Variants in CYSLTR1 observed in about 807,000 individuals in gnomAD.
CYSLTR1 encodes the protein cysteinyl leukotriene receptor 1, also known as G-protein coupled receptor HG55.
In CYSLTR1, 1 loss-of-function variant was observed where a neutral mutation model predicts 2.1. That is an observed-to-expected ratio of 0.48 (90% CI 0.17 to 2.28). The LOEUF is 2.28. Ranked by LOEUF, CYSLTR1 falls within the 30% of genes most tolerant of loss-of-function variation. The pLI, the probability that CYSLTR1 is intolerant of heterozygous loss-of-function variation, is 0.26. For synonymous variants in CYSLTR1, 110 were observed against 89.6 expected, an observed-to-expected ratio of 1.23 and a Z score of -1.28; for missense variants, 299 against 250.1, an observed-to-expected ratio of 1.20 and a Z score of -1.32.
chrX:78,312,149 C>T (rs1189129445), intron 1 of CYSLTR1, among the ~76,000 whole-genome samples: 1 of 111,153 alleles, frequency 9.0e-6, no homozygotes, highest in South Asian at 3.8e-4. Context: ...ACCAATGGAA[C>T]ACAATATAGA....
chrX:78,274,716 A>C (rs930846412), intron 2 of CYSLTR1, among the ~76,000 whole-genome samples: 2 of 110,571 alleles, frequency 1.8e-5, no homozygotes, highest in African/African-American at 6.6e-5. Flanking sequence ...AACAAAAGCC[A>C]AAATTGACAA....
At chrX:78,276,464 G>A (rs1158055468) in intron 2 of CYSLTR1, among the ~76,000 whole-genome samples, 3 of 110,645 alleles carry the variant, frequency 2.7e-5, no homozygotes, top group Non-Finnish European at 5.7e-5. Context: ...CAGCCATGAA[G>A]GGGACTGATC....
chrX:78,273,502 T>G lies in CYSLTR1; in HGVS notation c.245A>C (p.Tyr82Ser). ...CVCTLPLRVV[Y>S]YVHKGIWLFG... Reference sequence around the variant, plus strand: ...GAGCCAAATGCCTTTGTGAACATAATAGACCACACGGAGAGGCAGTGTGCA... The same window carrying G: ...GAGCCAAATGCCTTTGTGAACATAAGAGACCACACGGAGAGGCAGTGTGCA... The change falls in exon 3 of 3, where the codon TAT (tyrosine) becomes TCT (serine). Residue 82 changes from tyrosine to serine, a missense_variant. By Grantham distance (144) the Tyr-to-Ser change is moderately radical. Coordinates refer to ENST00000373304, the MANE Select transcript of CYSLTR1 (RefSeq NM_006639.4). The G allele has an allele frequency of 8.3e-7, 1 of 1,211,609 alleles. No homozygotes were observed. Among genetic ancestry groups the G allele is most frequent in the Non-Finnish European group, 1.1e-6 (1 of 895,485 alleles).
At chrX:78,286,519 T>C (rs1052664788) in intron 1 of CYSLTR1, among the ~76,000 whole-genome samples, 6 of 110,780 alleles carry the variant, frequency 5.4e-5, no homozygotes, top group Admixed American at 9.6e-5. Flanking sequence ...TATTACACTT[T>C]AAGTTTTAGG....
chrX:78,297,379 T>G (rs1191285600), intron 1 of CYSLTR1, among the ~76,000 whole-genome samples: 1 of 111,626 alleles, frequency 9.0e-6, no homozygotes, highest in Non-Finnish European at 1.9e-5. Flanking sequence ...TTGGTTTTGG[T>G]ATCAAGGTAA....
chrX:78,297,738 C>G (rs779073786), intron 1 of CYSLTR1, among the ~76,000 whole-genome samples: 133 of 110,996 alleles, frequency 1.2e-3, no homozygotes, highest in African/African-American at 4.1e-3. Flanking sequence ...TCTCCTTTTT[C>G]ATTTGTGATT....
intron 1 of CYSLTR1, among the ~76,000 whole-genome samples, chrX:78,291,769 T>TCTAAAA (rs1922337747): frequency 8.9e-6 from 1 of 111,755 alleles, no homozygotes; most frequent in Non-Finnish European, 1.9e-5. Context: ...TTTAGTATTG[T>TCTAAAA]CTGATGGTAG....
chrX:78,307,248 G>A (rs1923062478), intron 1 of CYSLTR1, among the ~76,000 whole-genome samples: 1 of 111,614 alleles, frequency 9.0e-6, no homozygotes, highest in Admixed American at 9.5e-5. Context: ...TCTCCTCCGA[G>A]GCTTAAGGTC....
At chrX:78,315,797 C>T (rs1410894277) in intron 1 of CYSLTR1, among the ~76,000 whole-genome samples, 3 of 112,233 alleles carry the variant, frequency 2.7e-5, no homozygotes, top group African/African-American at 9.7e-5. Flanking sequence ...GACTCCTGAA[C>T]GGCACCACAG....
intron 2 of CYSLTR1, among the ~76,000 whole-genome samples, chrX:78,280,317 A>G (rs945904896): frequency 2.7e-5 from 3 of 111,470 alleles, no homozygotes; most frequent in African/African-American, 9.8e-5. Flanking sequence ...ACTGGGCAAT[A>G]TTATCTTGTA....
In CYSLTR1 at chrX:78,307,867, G is replaced by A. The variant is rs982066411; in HGVS notation, c.-115+19438C>T. ...TTTACTTATCTCAGACATATTTCTG[G>A]CAAGGTGGGAGTGAAACAGAGTAGA... On this transcript the variant is annotated intron_variant, in intron 1 of 2. Transcript: ENST00000373304. 5.4e-5 allele frequency among the ~76,000 whole-genome samples: 6 copies of A among 111,669 alleles called. No individual in the cohort carries two copies. In the South Asian group the frequency reaches 1.5e-3, roughly 28 times the overall value.
chrX:78,314,407 G>T lies in CYSLTR1; in HGVS notation c.-115+12898C>A, dbSNP rs1923330399. ...GCTCCACCAATTGTCTTCCCTGCAG[G>T]TATGTCACTTTAACAACTAGCTACA... is the stretch of plus-strand genomic sequence containing the variant. On this transcript the variant is annotated intron_variant, in intron 1 of 2. Coordinates refer to ENST00000373304, the MANE Select transcript of CYSLTR1 (RefSeq NM_006639.4). Among the ~76,000 whole-genome samples, 3 of 111,733 alleles carry T rather than the reference G, an allele frequency of 2.7e-5. No homozygotes were observed. In the Admixed American group the frequency reaches 2.8e-4, roughly 11 times the overall value.
chrX:78,314,084 G>A (rs765966982), intron 1 of CYSLTR1, among the ~76,000 whole-genome samples: 1 of 111,385 alleles, frequency 9.0e-6, no homozygotes, highest in Non-Finnish European at 1.9e-5. Flanking sequence ...GCAAGGACAC[G>A]GTGAGAGAAT....
chrX:78,285,325 G>C (rs1922019079), intron 1 of CYSLTR1, among the ~76,000 whole-genome samples: 1 of 108,906 alleles, frequency 9.2e-6, no homozygotes, highest in Non-Finnish European at 1.9e-5. Context: ...GAGAGGCTGA[G>C]GCAGGAGAAT....
At chrX:78,288,429 A>T (rs756473155) in intron 1 of CYSLTR1, among the ~76,000 whole-genome samples, 1 of 110,751 alleles carries the variant, frequency 9.0e-6, no homozygotes, top group Non-Finnish European at 1.9e-5. Context: ...GCCATTCTTG[A>T]TCCTTTTAAC....
chrX:78,275,451 T>C (rs1224563360), intron 2 of CYSLTR1, among the ~76,000 whole-genome samples: 1 of 110,489 alleles, frequency 9.1e-6, no homozygotes, highest in African/African-American at 3.3e-5. Context: ...AAACTGGAAA[T>C]CATCATTCTC....
chrX:78,299,994 T>G (rs1922748135), intron 1 of CYSLTR1, among the ~76,000 whole-genome samples: 1 of 111,911 alleles, frequency 8.9e-6, no homozygotes, highest in Non-Finnish European at 1.9e-5. Context: ...TTATTTTTTC[T>G]TTTGTCTCCT....
intron 1 of CYSLTR1, among the ~76,000 whole-genome samples, chrX:78,297,893 AT>A (rs1922644467): frequency 9.1e-6 from 1 of 110,132 alleles, no homozygotes; most frequent in African/African-American, 3.3e-5. Flanking sequence ...TCTGATCTTT[AT>A]TATTCTTTTT....
intron 1 of CYSLTR1, among the ~76,000 whole-genome samples, chrX:78,289,784 T>A (rs186681360): frequency 1.8e-5 from 2 of 112,462 alleles, no homozygotes; most frequent in East Asian, 5.6e-4. Context: ...TCTGTTCATA[T>A]CCTTTGCCCA....
Sources: gnomAD v4.1 joint callset for allele counts (sites outside exome capture counted in the v4.1 genomes callset) on GRCh38, gnomAD v4.1.1 for gene constraint, MANE v1.5 for transcripts, NCBI Gene and HGNC (gene_info 2026-07-23, HGNC 2026-07-21) for gene names.